Variants in GFRAL observed in about 807,000 individuals in gnomAD.
GFRAL encodes GDNF family receptor alpha-like.
Under a neutral mutation model 45.4 loss-of-function variants are expected in GFRAL, and 36 were observed. The observed-to-expected ratio is 0.79, with a 90% CI of 0.61 to 1.05. GFRAL has a LOEUF of 1.05. Ranked by LOEUF, GFRAL falls within the 50% of genes least tolerant of loss-of-function variation. The pLI is 0.00. For synonymous variants in GFRAL, 166 were observed against 154.1 expected (o/e 1.08, Z -0.57); for missense variants, 507 against 467.5 (o/e 1.08, Z -0.78).
At chr6:55,336,141 G>A (rs1258019872) in intron 3 of GFRAL, among the ~76,000 whole-genome samples, 2 of 151,962 alleles carry the variant, frequency 1.3e-5, no homozygotes, top group Non-Finnish European at 2.9e-5. Flanking sequence ...ACGGGTTTTC[G>A]CCATGTTGGC....
intron 5 of GFRAL, among the ~76,000 whole-genome samples, chr6:55,352,884 A>G (rs1768136410): frequency 6.6e-6 from 1 of 152,060 alleles, no homozygotes; most frequent in South Asian, 2.1e-4. Flanking sequence ...ACTCTAGGCA[A>G]TGGCGAATAA....
chr6:55,378,290 T>C (rs949911066), intron 6 of GFRAL, among the ~76,000 whole-genome samples: 3 of 152,070 alleles, frequency 2.0e-5, no homozygotes, highest in Admixed American at 1.3e-4. Flanking sequence ...CAAATTCATA[T>C]CCAAAGTAAG....
intron 6 of GFRAL, among the ~76,000 whole-genome samples, chr6:55,391,225 C>T (rs1768749861): frequency 6.6e-6 from 1 of 151,990 alleles, no homozygotes. Flanking sequence ...ATTTTTTAAT[C>T]TTTCATTCCA....
intron 6 of GFRAL, among the ~76,000 whole-genome samples, chr6:55,377,237 A>G (rs556726770): frequency 9.7e-4 from 148 of 152,088 alleles, no homozygotes; most frequent in Non-Finnish European, 1.7e-3. Context: ...TGCTAAGACA[A>G]TTCTCCATAT....
Position 55,371,699 on chromosome 6 carries a change from T to C in GFRAL, c.952+12561T>C, listed in dbSNP as rs17750571. Among the ~76,000 whole-genome samples, 1,329 of 152,316 alleles carry C rather than the reference T, an allele frequency of 8.7e-3. 13 individuals carry two copies. The highest frequency in any genetic ancestry group is 7.7e-3 in the Non-Finnish European group (524 of 68,028). ...TTAAATGCTACTATACATTTGAAGA[T>C]CTCATCTGAAATTTGTTCAGTACTT... On this transcript the variant is annotated intron_variant, in intron 6 of 8. Coordinates refer to ENST00000340465, the MANE Select transcript of GFRAL (RefSeq NM_207410.2).
chr6:55,397,321 A>T (rs1768839606), intron 6 of GFRAL, among the ~76,000 whole-genome samples: 1 of 139,510 alleles, frequency 7.2e-6, no homozygotes, highest in South Asian at 2.1e-4. Context: ...GATCGAGACC[A>T]TCCTGGCTAA....
At chr6:55,370,948 G>A (rs1301658294) in intron 6 of GFRAL, among the ~76,000 whole-genome samples, 2 of 152,210 alleles carry the variant, frequency 1.3e-5, no homozygotes, top group Non-Finnish European at 2.9e-5. Context: ...GGGCAAGCAA[G>A]TTCTCAGCTG....
intron 4 of GFRAL, among the ~76,000 whole-genome samples, 197 bp downstream of exon 4, chr6:55,350,342 A>G (rs1275138719): frequency 2.6e-5 from 4 of 152,080 alleles, no homozygotes; most frequent in African/African-American, 9.7e-5. Context: ...CCCATCCATT[A>G]TCAATTTATA....
chr6:55,349,133 A>C (rs1416536730), intron 3 of GFRAL, among the ~76,000 whole-genome samples: 2 of 152,050 alleles, frequency 1.3e-5, no homozygotes, highest in Non-Finnish European at 2.9e-5. Flanking sequence ...AATGAAAAAC[A>C]ATGCATAATG....
intron 6 of GFRAL, among the ~76,000 whole-genome samples, chr6:55,360,924 A>T (rs945581504): frequency 1.3e-5 from 2 of 151,996 alleles, no homozygotes; most frequent in African/African-American, 4.8e-5. Flanking sequence ...TTTGGCAAAA[A>T]TTCTCTAAAA....
chr6:55,397,549 A>T (rs1768843638), intron 6 of GFRAL, among the ~76,000 whole-genome samples: 2 of 148,862 alleles, frequency 1.3e-5, no homozygotes, highest in Admixed American at 1.3e-4. Flanking sequence ...AAAAAAAAAA[A>T]ATGCCTTAAC....
At chr6:55,384,214 A>T (rs1385014434) in intron 6 of GFRAL, among the ~76,000 whole-genome samples, 2 of 151,956 alleles carry the variant, frequency 1.3e-5, no homozygotes, top group African/African-American at 4.8e-5. Context: ...TGGCACGTGT[A>T]TATCTATGTA....
chr6:55,335,035 T>A (rs1767874123), intron 3 of GFRAL, among the ~76,000 whole-genome samples: 1 of 152,190 alleles, frequency 6.6e-6, no homozygotes, highest in Admixed American at 6.5e-5. Context: ...ACTTCACTTA[T>A]GAAATTGTGG....
chr6:55,399,564 T>A (rs6936510), intron 8 of GFRAL, 123 bp downstream of exon 8: 1 of 666,990 alleles, frequency 1.5e-6, no homozygotes. Context: ...TTAAGACATA[T>A]TAAATCAAGT....
intron 3 of GFRAL, among the ~76,000 whole-genome samples, chr6:55,348,440 T>C (rs1417520108): frequency 3.9e-5 from 6 of 152,176 alleles, no homozygotes; most frequent in African/African-American, 1.4e-4. Context: ...TAGGCTGCTC[T>C]GGCTACCATA....
chr6:55,327,915 C>T (rs1253848797), intron 1 of GFRAL, among the ~76,000 whole-genome samples: 1 of 151,898 alleles, frequency 6.6e-6, no homozygotes, highest in Non-Finnish European at 1.5e-5. Context: ...AAAAATAAAA[C>T]CTTCCAGTAT....
chr6:55,343,790 TAAA>T (rs1361278332), intron 3 of GFRAL, among the ~76,000 whole-genome samples: 1 of 151,170 alleles, frequency 6.6e-6, no homozygotes, highest in Non-Finnish European at 1.5e-5. Flanking sequence ...ACAAGACTAA[TAAA>T]GAAGAAAAAA....
At chr6:55,400,862 A>C (rs1319625884) in intron 8 of GFRAL, among the ~76,000 whole-genome samples, 1 of 152,174 alleles carries the variant, frequency 6.6e-6, no homozygotes, top group Non-Finnish European at 1.5e-5. Context: ...AAACATTGTT[A>C]CAACAAAATA....
intron 6 of GFRAL, among the ~76,000 whole-genome samples, chr6:55,387,247 G>A (rs1284544721): frequency 6.6e-6 from 1 of 152,142 alleles, no homozygotes; most frequent in Non-Finnish European, 1.5e-5. Flanking sequence ...ACAGCCTTCA[G>A]TACATGAAAT....
Sources: allele counts gnomAD v4.1 joint callset (sites outside exome capture counted in the v4.1 genomes callset), GRCh38; gene constraint gnomAD v4.1.1; transcripts MANE v1.5; gene names NCBI Gene and HGNC (gene_info 2026-07-23, HGNC 2026-07-21).